The following C12orf42 variants were observed in gnomAD, a reference collection of about 807,000 sequenced individuals.
C12orf42 encodes uncharacterized protein C12orf42.
C12orf42 carries 25 observed loss-of-function variants against 21.6 expected under a neutral mutation model. The observed-to-expected ratio is 1.16, with a 90% CI of 0.84 to 1.62. The LOEUF is 1.62. Ranked by LOEUF, C12orf42 falls within the 40% of genes most tolerant of loss-of-function variation. C12orf42 has a pLI of 0.00. For synonymous variants in C12orf42, 174 were observed against 175.0 expected (o/e 0.99, Z 0.05); for missense variants, 483 against 459.3 (o/e 1.05, Z -0.47).
At chr12:103,054,792 C>T in the C12orf42 span, among the ~76,000 whole-genome samples, 1 of 151,876 alleles carries the variant, frequency 6.6e-6, no homozygotes, top group South Asian at 2.1e-4. Context: ...TAAATAGCAT[C>T]GGATTTTATC....
chr12:103,424,325 G>A (rs1949620783), intron 2 of C12orf42, among the ~76,000 whole-genome samples: 1 of 152,230 alleles, frequency 6.6e-6, no homozygotes, highest in Admixed American at 6.5e-5. Context: ...CATTTGTGAT[G>A]ATCTCCTATC....
At chr12:103,494,886 G>C (rs1593032512) in intron 1 of C12orf42, among the ~76,000 whole-genome samples, 1 of 152,278 alleles carries the variant, frequency 6.6e-6, no homozygotes, top group South Asian at 2.1e-4. Context: ...TTCCCGGGAG[G>C]GGGCAGCACA....
downstream of C12orf42, among the ~76,000 whole-genome samples, chr12:103,263,698 C>T (rs886447542): frequency 1.4e-4 from 22 of 152,140 alleles, no homozygotes; most frequent in African/African-American, 5.1e-4. Flanking sequence ...TGCATCCTAC[C>T]ATGCTTCTGA....
the C12orf42 span, among the ~76,000 whole-genome samples, chr12:103,110,104 T>A: frequency 6.6e-6 from 1 of 152,194 alleles, no homozygotes; most frequent in Non-Finnish European, 1.5e-5. Context: ...AAGGTTTGCA[T>A]GGGAATCAGA....
chr12:103,232,913 A>C (rs2033347536), downstream of C12orf42, among the ~76,000 whole-genome samples: 1 of 152,182 alleles, frequency 6.6e-6, no homozygotes, highest in Non-Finnish European at 1.5e-5. Flanking sequence ...TTATTGATAC[A>C]TAATAGTTGT....
At chr12:103,478,051 T>C (rs558375839) in intron 2 of C12orf42, 85 of 265,666 alleles carry the variant, frequency 3.2e-4, no homozygotes, top group South Asian at 2.5e-3. Context: ...TCAATCCTAA[T>C]GGTGTGGGGT....
the C12orf42 span, among the ~76,000 whole-genome samples, chr12:103,080,522 A>G: frequency 2.0e-5 from 3 of 152,220 alleles, no homozygotes; most frequent in Non-Finnish European, 4.4e-5. Flanking sequence ...AGACACCTAA[A>G]AAAAAGCTAC....
intron 2 of C12orf42, among the ~76,000 whole-genome samples, chr12:103,464,072 T>C (rs533253173): frequency 3.2e-4 from 49 of 152,200 alleles, no homozygotes; most frequent in Non-Finnish European, 6.6e-4. Context: ...TTATTTCTAT[T>C]CCTTTGGGTA....
downstream of C12orf42, among the ~76,000 whole-genome samples, chr12:103,297,558 T>G: frequency 1.3e-5 from 2 of 152,278 alleles, no homozygotes; most frequent in East Asian, 3.9e-4. Flanking sequence ...CTTCTGAAAC[T>G]ATTCCAATCA....
the C12orf42 span, among the ~76,000 whole-genome samples, chr12:103,130,342 A>C: frequency 6.7e-6 from 1 of 150,332 alleles, no homozygotes; most frequent in African/African-American, 2.5e-5. Flanking sequence ...ATATTCTAAA[A>C]ATTCCATACT....
At chr12:103,407,126 G>A (rs1003235159) in intron 2 of C12orf42, among the ~76,000 whole-genome samples, 22 of 152,080 alleles carry the variant, frequency 1.4e-4, no homozygotes, top group Non-Finnish European at 3.2e-4. Context: ...ATTCCAAGGT[G>A]AGCCTTCCTA....
chr12:103,518,439 C>T, the C12orf42 span, among the ~76,000 whole-genome samples: 7 of 152,138 alleles, frequency 4.6e-5, no homozygotes, highest in African/African-American at 1.7e-4. Flanking sequence ...AAGTGGACAC[C>T]ATTGCCCCCG....
intron 2 of C12orf42, among the ~76,000 whole-genome samples, chr12:103,418,456 T>C (rs541688120): frequency 4.6e-5 from 7 of 152,226 alleles, no homozygotes; most frequent in East Asian, 3.9e-4. Context: ...AAAATAGTTA[T>C]GTCAGGGCAA....
chr12:103,420,094 A>G (rs2049742557), intron 2 of C12orf42, among the ~76,000 whole-genome samples: 2 of 152,196 alleles, frequency 1.3e-5, no homozygotes, highest in Non-Finnish European at 1.5e-5. Context: ...TACAGAGGGG[A>G]AAAGTTGTAT....
intron 4 of C12orf42, among the ~76,000 whole-genome samples, chr12:103,292,447 T>C (rs1320994523): frequency 6.6e-6 from 1 of 151,872 alleles, no homozygotes; most frequent in Non-Finnish European, 1.5e-5. Context: ...GCAAGAATAA[T>C]AATCAAATCT....
chr12:103,292,034 T>C (rs2036860239), intron 4 of C12orf42, among the ~76,000 whole-genome samples: 1 of 152,102 alleles, frequency 6.6e-6, no homozygotes, highest in African/African-American at 2.4e-5. Context: ...CATTAACCAA[T>C]CAATGGATAA....
At chr12:103,073,164 T>C in the C12orf42 span, among the ~76,000 whole-genome samples, 69 of 152,016 alleles carry the variant, frequency 4.5e-4, no homozygotes, top group South Asian at 2.9e-3. Flanking sequence ...CAACACACAG[T>C]GGGACCTATT....
chr12:103,299,797 G>C (rs983194950), downstream of C12orf42, among the ~76,000 whole-genome samples: 2 of 152,182 alleles, frequency 1.3e-5, no homozygotes, highest in African/African-American at 2.4e-5. Context: ...TTGTGTCTAA[G>C]TTATAGTACA....
chr12:103,317,393 C>T (rs1010168112), intron 4 of C12orf42, among the ~76,000 whole-genome samples: 13 of 152,146 alleles, frequency 8.5e-5, no homozygotes, highest in Admixed American at 2.0e-4. Context: ...CCCAGGATAC[C>T]GCCTCTTCCC....
Sources: gnomAD v4.1 joint callset for allele counts (sites outside exome capture counted in the v4.1 genomes callset) on GRCh38, gnomAD v4.1.1 for gene constraint, MANE v1.5 for transcripts, NCBI Gene and HGNC (gene_info 2026-07-23, HGNC 2026-07-21) for gene names.